Variants in NFYA observed in about 807,000 individuals in gnomAD.
The protein encoded by NFYA is nuclear transcription factor Y subunit alpha, also known as CAAT-box DNA binding protein subunit A.
NFYA carries 28 observed loss-of-function variants against 52.8 expected under a neutral mutation model. That is an observed-to-expected ratio of 0.53 (90% CI 0.39 to 0.73). NFYA has a LOEUF of 0.73. Among genes scored for constraint, NFYA ranks in the 30% least tolerant of loss-of-function variants. NFYA has a pLI of 0.00. For missense variants in NFYA, 234 were observed against 427.0 expected (o/e 0.55, Z 3.98); for synonymous variants, 150 against 150.7 (o/e 1.00, Z 0.03).
Position 41,101,517 on chromosome 6 carries a change from A to AT in NFYA, c.*4111dup, listed in dbSNP as rs1220273115. Among the ~76,000 whole-genome samples, 1 of 152,046 alleles carries AT rather than the reference A, an allele frequency of 6.6e-6. No individual in the cohort carries two copies. Among genetic ancestry groups the AT allele is most frequent in the Non-Finnish European group, 1.5e-5 (1 of 67,996 alleles). ...TTCTATTAAGCGTTCTGTTTCAATT[A>AT]TTTTATTCGTTCAGTTAATTCGTTC... On this transcript the variant is annotated 3_prime_UTR_variant, in exon 10 of 10. Transcript: ENST00000341376.
At chr6:41,094,674 TTGG>T (rs1195097081) in intron 9 of NFYA, among the ~76,000 whole-genome samples, 177 bp downstream of exon 9, 1 of 152,130 alleles carries the variant, frequency 6.6e-6, no homozygotes, top group Non-Finnish European at 1.5e-5. Context: ...TAGGCCAGAC[TTGG>T]TGGCTCATGC....
intron 2 of NFYA, among the ~76,000 whole-genome samples, chr6:41,080,307 T>A (rs1228882612): frequency 6.7e-6 from 1 of 148,298 alleles, no homozygotes; most frequent in Non-Finnish European, 1.5e-5. Flanking sequence ...AAATAAAGTT[T>A]AAAAAAAAAA....
chr6:41,080,510 G>A (rs1383143095), intron 2 of NFYA, among the ~76,000 whole-genome samples: 1 of 152,134 alleles, frequency 6.6e-6, no homozygotes, highest in Non-Finnish European at 1.5e-5. Context: ...TTAAACAATT[G>A]TGTAAGTAGA....
At chr6:41,091,447 TAGA>T in intron 6 of NFYA, 78 bp from the exon 7 acceptor site, 1 of 1,403,406 alleles carries the variant, frequency 7.1e-7, no homozygotes, top group Non-Finnish European at 9.8e-7. Flanking sequence ...GTATACCAGA[TAGA>T]AGAGGGACTA....
rs1764472126 is a variant in NFYA at position 41,100,551 on chromosome 6, TGAGA to T, written c.*3145_*3148del. On this transcript the variant is annotated 3_prime_UTR_variant, in exon 10 of 10. Coordinates refer to ENST00000341376, the MANE Select transcript of NFYA (RefSeq NM_002505.5). The stretch of plus-strand genomic sequence containing the variant: ...AGAGCAGTAGACCTGCCCTGGCAGA[TGAGA>T]GAGGAGAAACTCTCCACAATGAAGG... Among the ~76,000 whole-genome samples, 2 of 152,190 alleles carry T rather than the reference TGAGA, an allele frequency of 1.3e-5. No individual in the cohort carries two copies. The highest frequency in any genetic ancestry group is 4.8e-5 in the African/African-American group (2 of 41,452).
At position 41,087,123 on chromosome 6, in the gene NFYA, A is replaced by G. The variant is rs570237405; in HGVS notation, c.310-2456A>G. Among the ~76,000 whole-genome samples, 289 of 152,354 alleles carry G rather than the reference A, an allele frequency of 1.9e-3. 1 individual carries two copies. Among genetic ancestry groups the G allele is most frequent in the Admixed American group, 0.015 (234 of 15,310 alleles). On this transcript the variant is annotated intron_variant, in intron 4 of 9. Transcript: ENST00000341376. Reference sequence around the variant, plus strand: ...ACAAAAATAGGAAAATGGGCGAAGAATATGAATAGATGGAAGAGGAAATCC... The same window carrying G: ...ACAAAAATAGGAAAATGGGCGAAGAGTATGAATAGATGGAAGAGGAAATCC...
chr6:41,089,763 A>G, intron 5 of NFYA, 53 bp downstream of exon 5: 1 of 1,587,106 alleles, frequency 6.3e-7, no homozygotes, highest in Non-Finnish European at 8.6e-7. Context: ...GAAGAGTCAG[A>G]TAACTGAGTC....
intron 4 of NFYA, among the ~76,000 whole-genome samples, chr6:41,086,851 T>TA (rs1183658406): frequency 6.6e-6 from 1 of 152,172 alleles, no homozygotes; most frequent in Non-Finnish European, 1.5e-5. Context: ...TACTGTATTT[T>TA]AAAAAATATT....
rs114026230 is a variant in NFYA, at chr6:41,098,635, C to G, written c.*1225C>G. 3.9e-5 allele frequency: 6 copies of G among 152,730 alleles called. 1 individual carries two copies. Among genetic ancestry groups the G allele is most frequent in the Admixed American group, 3.3e-4 (5 of 15,290 alleles). The allele number at this position is 152,730 out of a possible 1,614,324, so 9.5% of individuals were successfully genotyped here. A position where few individuals can be genotyped will look rare whatever the true frequency, so the allele number is the denominator to read the frequency against. On this transcript the variant is annotated 3_prime_UTR_variant, in exon 10 of 10. Transcript: ENST00000341376. ...CTTGAGGTGGATGTTGGCTTCACTC[C>G]TGCAGCACAATGCTGGCCCTAGAAA... is the stretch of plus-strand genomic sequence containing the variant.
chr6:41,094,280 C>T, intron 8 of NFYA, 116 bp from the exon 9 acceptor site: 1 of 780,252 alleles, frequency 1.3e-6, no homozygotes, highest in South Asian at 1.7e-5. Flanking sequence ...TCATAATTGT[C>T]CCTTGTGACT....
chr6:41,089,372 T>C (rs1764137279), intron 4 of NFYA, among the ~76,000 whole-genome samples: 1 of 152,222 alleles, frequency 6.6e-6, no homozygotes, highest in Non-Finnish European at 1.5e-5. Flanking sequence ...TTTGTTAATA[T>C]CAGGTATCCA....
intron 1 of NFYA, among the ~76,000 whole-genome samples, chr6:41,077,316 TACCACAATGAAGATATAAA>T (rs1763763614): frequency 6.6e-6 from 1 of 152,188 alleles, no homozygotes; most frequent in Non-Finnish European, 1.5e-5. Flanking sequence ...GTGCAACTGC[TACCACAATGAAGATATAAA>T]ACATTTTCAT....
At chr6:41,095,706 C>T (rs1006992992) in intron 9 of NFYA, among the ~76,000 whole-genome samples, 4 of 152,240 alleles carry the variant, frequency 2.6e-5, no homozygotes, top group Non-Finnish European at 5.9e-5. Flanking sequence ...GCTAGGATTA[C>T]AGGCGCACAC....
At chr6:41,083,907 C>T (rs1303402058) in intron 3 of NFYA, 139 bp from the exon 4 acceptor site, 1 of 771,096 alleles carries the variant, frequency 1.3e-6, no homozygotes, top group Non-Finnish European at 2.0e-6. Flanking sequence ...AACTTGAGGA[C>T]TTGAGACATA....
At position 41,097,775 on chromosome 6, in the gene NFYA, C is replaced by T. The variant is rs1343433706; in HGVS notation, c.*365C>T. On this transcript the variant is annotated 3_prime_UTR_variant, in exon 10 of 10. Transcript: ENST00000341376. ...AGAACAACCTTCTCAACCAAAACTG[C>T]AATCAGGAAAGCAGCAGCCCACTCC... 5.1e-6 allele frequency: 1 copy of T among 194,286 alleles called. No individual in the cohort carries two copies. The highest frequency in any genetic ancestry group is 9.9e-5 in the South Asian group (1 of 10,106). The allele number at this position is 194,286 out of a possible 1,614,324, so 12.0% of individuals were successfully genotyped here. A position where few individuals can be genotyped will look rare whatever the true frequency, so the allele number is the denominator to read the frequency against.
Position 41,079,078 on chromosome 6 carries a change from C to T in NFYA, c.-12C>T, listed in dbSNP as rs1243386966. On this transcript the variant is annotated 5_prime_UTR_variant, in exon 2 of 10. Transcript: ENST00000341376. ...ATCTCCAGAGTGGACAGGAATCTCA[C>T]TTGGAGGGACCATGGAGCAGTATAC... 2 of 1,613,694 alleles carry T rather than the reference C, an allele frequency of 1.2e-6. No individual in the cohort carries two copies. Among genetic ancestry groups the T allele is most frequent in the Non-Finnish European group, 1.7e-6 (2 of 1,179,758 alleles).
At chr6:41,088,621 T>C (rs1389056014) in intron 4 of NFYA, among the ~76,000 whole-genome samples, 3 of 151,944 alleles carry the variant, frequency 2.0e-5, no homozygotes, top group African/African-American at 7.3e-5. Context: ...ACTCGCTCTG[T>C]TGCCTAGGCT....
In NFYA at chr6:41,100,835, T is replaced by TC. The variant is rs950209405; in HGVS notation, c.*3429dup. On this transcript the variant is annotated 3_prime_UTR_variant, in exon 10 of 10. Coordinates refer to ENST00000341376, the MANE Select transcript of NFYA (RefSeq NM_002505.5). Reference sequence around the variant, plus strand: ...AGACCGCCGCACCTCCAGCCCCTTCTCCCCGGGGAAGTAGGCCCCGCTAAG... The same window carrying TC: ...AGACCGCCGCACCTCCAGCCCCTTCTCCCCCGGGGAAGTAGGCCCCGCTAAG... Among the ~76,000 whole-genome samples, 1 of 152,170 alleles carries TC rather than the reference T, an allele frequency of 6.6e-6. No homozygotes were observed. Among genetic ancestry groups the TC allele is most frequent in the African/African-American group, 2.4e-5 (1 of 41,448 alleles).
At chr6:41,074,707 G>C (rs1395276112) in intron 1 of NFYA, among the ~76,000 whole-genome samples, 2 of 152,196 alleles carry the variant, frequency 1.3e-5, no homozygotes, top group Non-Finnish European at 2.9e-5. Context: ...ATCTTGCTAA[G>C]GAATATTTTG....
Sources: allele counts gnomAD v4.1 joint callset (sites outside exome capture counted in the v4.1 genomes callset), GRCh38; gene constraint gnomAD v4.1.1; transcripts MANE v1.5; gene names NCBI Gene and HGNC (gene_info 2026-07-23, HGNC 2026-07-21).